The following ARID1A variants were observed in gnomAD, a reference collection of about 807,000 sequenced individuals.
ARID1A encodes the protein AT-rich interaction domain 1A.
A neutral mutation model predicts 212.6 loss-of-function variants in ARID1A; 20 were observed. The observed-to-expected ratio is 0.09, with a 90% CI of 0.07 to 0.14. The LOEUF is 0.14. Among genes scored for constraint, ARID1A ranks in the 10% least tolerant of loss-of-function variants. The probability of loss-of-function intolerance (pLI) is 1.00; values close to 1 mark genes in which losing one functional copy is unlikely to be tolerated. For missense variants in ARID1A, 2,587 were observed against 3,059.0 expected, an observed-to-expected ratio of 0.85 and a Z score of 3.64; for synonymous variants, 1,376 against 1,222.1, an observed-to-expected ratio of 1.13 and a Z score of -2.63.
Position 26,771,450 on chromosome 1 carries a change from T to TGTGGTAGGGCAAGGC in ARID1A, c.3406+124_3406+125insGTGGTAGGGCAAGGC. 9.1e-7 allele frequency: 1 copy of TGTGGTAGGGCAAGGC among 1,097,854 alleles called. No homozygotes were observed. The highest frequency in any genetic ancestry group is 1.3e-6 in the Non-Finnish European group (1 of 768,070). 68.0% of individuals were successfully genotyped at this position (1,097,854 alleles called of 1,614,324 possible). A position where few individuals can be genotyped will look rare whatever the true frequency, so the allele number is the denominator to read the frequency against. ...CAAGGATCTGTGCTCTGCCTTGCCC[T>TGTGGTAGGGCAAGGC]ACCACAGGGCTTAACAGGTTGGCTG... On this transcript the variant is annotated intron_variant, in intron 12 of 19. Coordinates refer to ENST00000324856, the MANE Select transcript of ARID1A (RefSeq NM_006015.6). This position sits in a 1 kb window ranked among gnomAD's most constrained non-coding sequence, Gnocchi z 5.4.
chr1:26,780,260 C>T lies in ARID1A; in HGVS notation c.6362C>T (p.Thr2121Ile), dbSNP rs759561977. Residue 2121 changes from threonine (T) to isoleucine (I), a missense_variant, in exon 20 of 20, where the codon ACC (threonine) becomes ATC (isoleucine). By Grantham distance (89) the Thr-to-Ile change is moderately conservative. Coordinates refer to ENST00000324856, the MANE Select transcript of ARID1A (RefSeq NM_006015.6). The surrounding 1 kb of genome is among the most constrained non-coding windows in gnomAD (Gnocchi z 7.2). ...VLSPQRLVLE[T>I]LSKLSIQDNN... ...TCCCCGCAGAGACTGGTCTTGGAAA[C>T]CCTCAGCAAACTCAGCATCCAGGAC... The T allele has an allele frequency of 1.9e-6, 3 of 1,614,088 alleles. No individual in the cohort carries two copies. Among genetic ancestry groups the T allele is most frequent in the Non-Finnish European group, 2.5e-6 (3 of 1,180,042 alleles).
At chr1:26,743,939 C>G (rs1301217153) in intron 4 of ARID1A, among the ~76,000 whole-genome samples, 2 of 152,168 alleles carry the variant, frequency 1.3e-5, no homozygotes, top group Non-Finnish European at 2.9e-5. Flanking sequence ...AGAAATGTCA[C>G]TAGCGATTTT....
At chr1:26,769,400 G>T (rs777723487) in intron 11 of ARID1A, 2 of 152,208 alleles carry the variant, frequency 1.3e-5, no homozygotes, top group African/African-American at 2.4e-5. Flanking sequence ...GTTTGTGAAG[G>T]CTCCAAGAAA....
At chr1:26,697,908 C>T (rs959062958) in intron 1 of ARID1A, among the ~76,000 whole-genome samples, 2 of 151,938 alleles carry the variant, frequency 1.3e-5, no homozygotes, top group African/African-American at 4.8e-5. Context: ...TGGTAGGAGC[C>T]CAGGAGTTGA....
intron 6 of ARID1A, 29 bp from the exon 7 acceptor site, chr1:26,762,123 A>G (rs2124062368): frequency 6.9e-6 from 11 of 1,593,088 alleles, no homozygotes; most frequent in Non-Finnish European, 8.6e-6. Flanking sequence ...TATAAAGCTA[A>G]TAACTATATG....
chr1:26,773,947 A>G (rs1425768852), intron 17 of ARID1A, 49 bp downstream of exon 17: 1 of 1,578,718 alleles, frequency 6.3e-7, no homozygotes, highest in Admixed American at 1.7e-5. Flanking sequence ...CGCCTTGAAA[A>G]CTAGTTAGTA....
intron 4 of ARID1A, among the ~76,000 whole-genome samples, chr1:26,755,604 C>T (rs2080921713): frequency 1.3e-5 from 2 of 152,154 alleles, no homozygotes; most frequent in African/African-American, 4.8e-5. Flanking sequence ...TTTCTTTAGG[C>T]TCCTAGGATC....
In ARID1A at chr1:26,779,600, G is replaced by A. The variant is rs2124141958; in HGVS notation, c.5702G>A (p.Gly1901Glu). The A allele has an allele frequency of 1.9e-6, 3 of 1,614,080 alleles. No individual in the cohort carries two copies. The African/African-American group carries it at 4.0e-5, about 22-fold the overall frequency. Residue 1901 changes from glycine (G) to glutamate (E), a missense_variant, in exon 20 of 20, where the codon GGA (glycine) becomes GAA (glutamate). Physicochemically the swap from Gly to Glu is moderately conservative, Grantham distance 98 (BLOSUM62 -2). Coordinates refer to ENST00000324856, the MANE Select transcript of ARID1A (RefSeq NM_006015.6). ...GACCAGGAGGGGCCCCCACCTGATG[G>A]ACCTCCAGAAAAACGGATCACAGCC... Reference protein sequence around the residue: ...TTDQEGPPPDGPPEKRITATM... With the variant: ...TTDQEGPPPDEPPEKRITATM...
chr1:26,760,753 C>G (rs2080983758), intron 4 of ARID1A, 103 bp from the exon 5 acceptor site: 2 of 1,263,516 alleles, frequency 1.6e-6, no homozygotes, highest in Non-Finnish European at 2.2e-6. Flanking sequence ...GATGTATTTG[C>G]TCTTGGTTGT....
intron 10 of ARID1A, among the ~76,000 whole-genome samples, chr1:26,767,523 T>C (rs932066518): frequency 6.6e-6 from 1 of 152,208 alleles, no homozygotes; most frequent in Non-Finnish European, 1.5e-5. Flanking sequence ...TCTTTACAAA[T>C]GGGGATAATT....
chr1:26,751,704 A>G (rs1302275599), intron 4 of ARID1A, among the ~76,000 whole-genome samples: 1 of 152,192 alleles, frequency 6.6e-6, no homozygotes, highest in Non-Finnish European at 1.5e-5. Flanking sequence ...AGGAATATAT[A>G]AAGGAACTTT....
At chr1:26,715,272 T>TG (rs1416052282) in intron 1 of ARID1A, among the ~76,000 whole-genome samples, 2 of 152,214 alleles carry the variant, frequency 1.3e-5, no homozygotes, top group African/African-American at 4.8e-5. Flanking sequence ...GATCAGAAGA[T>TG]GCATTTAGAA....
At chr1:26,758,590 G>A (rs2080962196) in intron 4 of ARID1A, among the ~76,000 whole-genome samples, 1 of 150,832 alleles carries the variant, frequency 6.6e-6, no homozygotes, top group South Asian at 2.1e-4. Context: ...ATGTACTGCA[G>A]CCTGGGGTAA....
At chr1:26,729,321 G>A (rs2124784189) in intron 1 of ARID1A, 1 of 338,182 alleles carries the variant, frequency 3.0e-6, no homozygotes, top group Non-Finnish European at 5.7e-6. Flanking sequence ...TGATGGCAGT[G>A]CATAGCAGCA....
intron 4 of ARID1A, among the ~76,000 whole-genome samples, chr1:26,743,693 G>A (rs983264004): frequency 9.3e-5 from 14 of 151,262 alleles, no homozygotes; most frequent in African/African-American, 3.2e-4. Flanking sequence ...ATAGGCAGGT[G>A]TGGTGGCAGG....
rs1256725754 is a variant in ARID1A at position 26,772,522 on chromosome 1, G to GCCCCAGACT, written c.3436_3444dup (p.Thr1146_Gln1148dup). 2 of 1,614,054 alleles carry GCCCCAGACT rather than the reference G, an allele frequency of 1.2e-6. No homozygotes were observed. Among genetic ancestry groups the GCCCCAGACT allele is most frequent in the Non-Finnish European group, 1.7e-6 (2 of 1,180,034 alleles). Reference sequence around the variant, plus strand: ...CAGCGGGATCAGGATCTATGCAGGGGCCCCAGACTCCCCAGTCAACCAGCA... The same window carrying GCCCCAGACT: ...CAGCGGGATCAGGATCTATGCAGGGGCCCCAGACTCCCCAGACTCCCCAGTCAACCAGCA... On this transcript the variant is annotated inframe_insertion, in exon 13 of 20. Transcript: ENST00000324856.
At chr1:26,752,563 GTAAT>G (rs1412048162) in intron 4 of ARID1A, among the ~76,000 whole-genome samples, 2 of 152,198 alleles carry the variant, frequency 1.3e-5, no homozygotes, top group Non-Finnish European at 1.5e-5. Context: ...TTTGCCTTAA[GTAAT>G]TAATTTTGTC....
At chr1:26,723,077 A>G (rs1358431579) in intron 1 of ARID1A, among the ~76,000 whole-genome samples, 2 of 152,154 alleles carry the variant, frequency 1.3e-5, no homozygotes, top group African/African-American at 2.4e-5. Context: ...CTGAAATACT[A>G]GGGGATATAG....
intron 1 of ARID1A, among the ~76,000 whole-genome samples, chr1:26,718,148 T>C (rs1226551668): frequency 2.0e-5 from 3 of 152,150 alleles, no homozygotes; most frequent in African/African-American, 7.2e-5. Context: ...CTAATTTTTG[T>C]ATTTTTAGTA....
Sources: allele counts gnomAD v4.1 joint callset (sites outside exome capture counted in the v4.1 genomes callset), GRCh38; gene constraint gnomAD v4.1.1; non-coding constraint Gnocchi (gnomAD v3.1); transcripts MANE v1.5; gene names NCBI Gene and HGNC (gene_info 2026-07-23, HGNC 2026-07-21).